Variants in GNG2 observed in about 807,000 individuals in gnomAD.
GNG2 encodes the protein guanine nucleotide-binding protein G(I)/G(S)/G(O) subunit gamma-2.
A neutral mutation model predicts 5.5 loss-of-function variants in GNG2; 5 were observed. The observed-to-expected ratio is 0.91, with a 90% CI of 0.48 to 1.92. The LOEUF (loss-of-function observed/expected upper bound fraction) is 1.92. Ranked by LOEUF, GNG2 falls within the 30% of genes most tolerant of loss-of-function variation. GNG2 has a pLI of 0.01. For missense variants in GNG2, 55 were observed against 88.4 expected, an observed-to-expected ratio of 0.62 and a Z score of 1.52; for synonymous variants, 28 against 32.0, an observed-to-expected ratio of 0.88 and a Z score of 0.42.
chr14:51,843,797 C>G (rs900545493), intron 2 of GNG2, among the ~76,000 whole-genome samples: 1 of 152,170 alleles, frequency 6.6e-6, no homozygotes, highest in South Asian at 2.1e-4. Flanking sequence ...CCCAGCCCAC[C>G]TCTTCAGTCC....
At chr14:51,926,118 A>T (rs185735336) in intron 2 of GNG2, among the ~76,000 whole-genome samples, 65 of 152,050 alleles carry the variant, frequency 4.3e-4, no homozygotes, top group Admixed American at 1.4e-3. Flanking sequence ...TCCAATTTTT[A>T]AAAAAATTGT....
At chr14:51,905,124 G>A (rs546677919) in intron 2 of GNG2, among the ~76,000 whole-genome samples, 2 of 152,170 alleles carry the variant, frequency 1.3e-5, no homozygotes, top group South Asian at 2.1e-4. Context: ...GACTTGGTTG[G>A]CTCGCTGCAT....
intron 2 of GNG2, among the ~76,000 whole-genome samples, chr14:51,888,308 T>C (rs1884603601): frequency 6.6e-6 from 1 of 152,050 alleles, no homozygotes; most frequent in Admixed American, 6.6e-5. Context: ...ATCGTTTTGT[T>C]TGTTTGTTTT....
intron 2 of GNG2, among the ~76,000 whole-genome samples, chr14:51,897,625 A>C (rs1223544108): frequency 6.6e-6 from 1 of 152,226 alleles, no homozygotes; most frequent in Admixed American, 6.5e-5. Context: ...TTCCAGGGAC[A>C]TAAGCCCATG....
At chr14:51,911,642 C>CAGCCAT (rs1344622480) in intron 2 of GNG2, among the ~76,000 whole-genome samples, 3 of 126,562 alleles carry the variant, frequency 2.4e-5, no homozygotes, top group Non-Finnish European at 4.9e-5. Flanking sequence ...CTCTTGGGCT[C>CAGCCAT]ATGTAATCCT....
At chr14:51,891,533 A>G (rs1884854094) in intron 2 of GNG2, among the ~76,000 whole-genome samples, 2 of 152,020 alleles carry the variant, frequency 1.3e-5, no homozygotes, top group South Asian at 4.1e-4. Context: ...ACCTTTAAAA[A>G]CTCCTGTATG....
chr14:51,921,680 C>T (rs1887022599), intron 2 of GNG2, among the ~76,000 whole-genome samples: 1 of 152,148 alleles, frequency 6.6e-6, no homozygotes, highest in Non-Finnish European at 1.5e-5. Context: ...CACCTGCGGC[C>T]AGGACAACAA....
intron 2 of GNG2, among the ~76,000 whole-genome samples, chr14:51,854,467 T>C (rs1056850177): frequency 6.6e-6 from 1 of 152,140 alleles, no homozygotes; most frequent in Non-Finnish European, 1.5e-5. Flanking sequence ...ACTGTTGGTA[T>C]CCACAGCAAG....
At chr14:51,924,382 TATTC>T (rs1246965549) in intron 2 of GNG2, among the ~76,000 whole-genome samples, 1 of 152,216 alleles carries the variant, frequency 6.6e-6, no homozygotes, top group African/African-American at 2.4e-5. Context: ...TCATCAGGCT[TATTC>T]ATTTGAGTTG....
chr14:51,855,357 T>C (rs907954428), intron 2 of GNG2, among the ~76,000 whole-genome samples: 7 of 152,340 alleles, frequency 4.6e-5, no homozygotes, highest in African/African-American at 1.7e-4. Flanking sequence ...GAAAGATTAG[T>C]TCTGCCCACC....
intron 1 of GNG2, among the ~76,000 whole-genome samples, chr14:51,873,286 A>G (rs1428746045): frequency 6.6e-6 from 1 of 152,192 alleles, no homozygotes; most frequent in Non-Finnish European, 1.5e-5. Flanking sequence ...TGGGGGAACA[A>G]TCTGTGAGTC....
chr14:51,919,919 AGT>A (rs1170376762), intron 2 of GNG2, among the ~76,000 whole-genome samples: 1 of 152,220 alleles, frequency 6.6e-6, no homozygotes, highest in Admixed American at 6.5e-5. Flanking sequence ...CCTGTCATGG[AGT>A]GTACTGTCTA....
In GNG2 at chr14:51,903,621, C is replaced by T. The variant is rs555223702; in HGVS notation, c.-30+25964C>T. Among the ~76,000 whole-genome samples the T allele has an allele frequency of 1.4e-3, 213 of 152,308 alleles. 1 individual carries two copies. Among genetic ancestry groups the T allele is most frequent in the African/African-American group, 4.3e-3 (177 of 41,562 alleles). ...GAACACACACAGTTCCAGACCTCTA[C>T]GATTTCCAGTCTTTTCTGGAGTTTT... On this transcript the variant is annotated intron_variant, in intron 2 of 3. Transcript: ENST00000556766.
chr14:51,898,401 C>T (rs1409179669), intron 2 of GNG2, among the ~76,000 whole-genome samples: 7 of 152,256 alleles, frequency 4.6e-5, no homozygotes, highest in Admixed American at 6.5e-5. Flanking sequence ...AGGCACACCA[C>T]AGACCTGGCC....
chr14:51,872,515 G>A (rs1177273284), intron 1 of GNG2, among the ~76,000 whole-genome samples: 4 of 152,078 alleles, frequency 2.6e-5, no homozygotes, highest in East Asian at 1.9e-4. Context: ...CTGTGATGCC[G>A]ATGTTAGGAC....
intron 2 of GNG2, among the ~76,000 whole-genome samples, chr14:51,844,991 C>G (rs1411088182): frequency 6.6e-6 from 1 of 152,210 alleles, no homozygotes; most frequent in Non-Finnish European, 1.5e-5. Context: ...TCCCAAAGTG[C>G]TGGGATTACA....
chr14:51,966,499 C>T (rs1889928748), intron 3 of GNG2, 60 bp from the exon 4 acceptor site: 2 of 1,509,836 alleles, frequency 1.3e-6, no homozygotes, highest in East Asian at 4.5e-5. Context: ...GCTCTAAAGC[C>T]TTGGGCCTTG....
chr14:51,955,437 A>G (rs1169983870), intron 3 of GNG2, among the ~76,000 whole-genome samples: 3 of 151,860 alleles, frequency 2.0e-5, no homozygotes, highest in Admixed American at 2.0e-4. Flanking sequence ...CATCAAATAA[A>G]TTTTTCCACC....
At chr14:51,912,857 G>T (rs537361275) in intron 2 of GNG2, among the ~76,000 whole-genome samples, 2 of 151,496 alleles carry the variant, frequency 1.3e-5, no homozygotes, top group East Asian at 1.9e-4. Context: ...GGGGGTGGGG[G>T]TGTGTGTGTG....
Sources: allele counts gnomAD v4.1 joint callset (sites outside exome capture counted in the v4.1 genomes callset), GRCh38; gene constraint gnomAD v4.1.1; transcripts MANE v1.5; gene names NCBI Gene and HGNC (gene_info 2026-07-23, HGNC 2026-07-21).